The following ARSG variants were observed in gnomAD, a reference collection of about 807,000 sequenced individuals.
ARSG encodes the protein arylsulfatase G, also known as ASG.
In ARSG, 37 loss-of-function variants were observed where a neutral mutation model predicts 50.5. The observed-to-expected ratio is 0.73, with a 90% CI of 0.56 to 0.96. The LOEUF is 0.96. Among genes scored for constraint, ARSG ranks in the 50% least tolerant of loss-of-function variants. The pLI is 0.00. For synonymous variants in ARSG, 225 were observed against 254.6 expected (o/e 0.88, Z 1.11); for missense variants, 629 against 675.3 (o/e 0.93, Z 0.76).
chr17:68,367,287 G>A lies in ARSG; in HGVS notation c.705-1261G>A, dbSNP rs535744422. On this transcript the variant is annotated intron_variant, in intron 6 of 11. Transcript: ENST00000621439. The surrounding 1 kb of genome is among the most constrained non-coding windows in gnomAD (Gnocchi z 4.5). ...CACAGTCCCAGGCGGCAGACCCTGG[G>A]AGCCAGGGTGCAGGGGGGATTTGAG... is the stretch of plus-strand genomic sequence containing the variant. Among the ~76,000 whole-genome samples, 18 of 152,314 alleles carry A rather than the reference G, an allele frequency of 1.2e-4. No homozygotes were observed. The highest frequency in any genetic ancestry group is 9.2e-4 in the Admixed American group (14 of 15,294).
At chr17:68,376,700 A>T (rs76160123) in intron 8 of ARSG, among the ~76,000 whole-genome samples, 37 of 151,670 alleles carry the variant, frequency 2.4e-4, no homozygotes, top group Admixed American at 1.4e-3. Flanking sequence ...ATTTTTTTTT[A>T]AAAGATCCCT....
In ARSG at chr17:68,367,120, T is replaced by C. The variant is rs1481810840; in HGVS notation, c.705-1428T>C. Among the ~76,000 whole-genome samples the C allele has an allele frequency of 6.6e-6, 1 of 152,252 alleles. No homozygotes were observed. The highest frequency in any genetic ancestry group is 2.4e-5 in the African/African-American group (1 of 41,464). ...ATTAATTTAAATCTAAATAGGTACA[T>C]GTGACTTGTGGCTGCTGCCCTGAAC... On this transcript the variant is annotated intron_variant, in intron 6 of 11. Coordinates refer to ENST00000621439, the MANE Select transcript of ARSG (RefSeq NM_001267727.2). This position sits in a 1 kb window ranked among gnomAD's most constrained non-coding sequence, Gnocchi z 4.5.
chr17:68,356,787 G>A lies in ARSG; in HGVS notation c.687G>A (p.Gln229=). Residue 229 remains glutamine (Q), a synonymous_variant, in exon 6 of 12, where the codon CAG becomes CAA. Coordinates refer to ENST00000621439, the MANE Select transcript of ARSG (RefSeq NM_001267727.2). The part of the protein sequence containing the change: ...LAQKYAEKAT[Q]FIQRASTSGR... ...AGAAGTATGCTGAGAAAGCAACCCA[G>A]TTCATCCAGCGTGCAAGGTGAGGAG... The A allele has an allele frequency of 6.2e-7, 1 of 1,614,170 alleles. No individual in the cohort carries two copies. Among genetic ancestry groups the A allele is most frequent in the Non-Finnish European group, 8.5e-7 (1 of 1,180,024 alleles).
intron 1 of ARSG, 40 bp from the exon 2 acceptor site, chr17:68,306,903 A>G (rs1248490936): frequency 6.6e-6 from 1 of 152,308 alleles, no homozygotes; most frequent in Non-Finnish European, 1.5e-5. Flanking sequence ...CTGCACTGGC[A>G]GTTTTAACTC....
chr17:68,363,862 T>C (rs908258892), intron 6 of ARSG, among the ~76,000 whole-genome samples: 3 of 152,024 alleles, frequency 2.0e-5, no homozygotes, highest in Non-Finnish European at 2.9e-5. Context: ...GATGGCAAAA[T>C]GGTGGGGCGG....
chr17:68,348,822 C>G (rs1460463669), intron 4 of ARSG, among the ~76,000 whole-genome samples: 1 of 152,170 alleles, frequency 6.6e-6, no homozygotes, highest in Non-Finnish European at 1.5e-5. Context: ...CACACTTACA[C>G]ATTCCTTCTA....
At chr17:68,330,982 G>A (rs1013289864) in intron 2 of ARSG, among the ~76,000 whole-genome samples, 3 of 132,244 alleles carry the variant, frequency 2.3e-5, no homozygotes, top group Non-Finnish European at 1.6e-5. Context: ...TTTTTGCGGG[G>A]GGGGGGGGAG....
In ARSG at chr17:68,318,861, C is replaced by T. The variant is rs1335114356; in HGVS notation, c.218+11150C>T. 5.3e-5 allele frequency among the ~76,000 whole-genome samples: 8 copies of T among 152,146 alleles called. No individual in the cohort carries two copies. The East Asian group carries it at 5.8e-4, about 11-fold the overall frequency. On this transcript the variant is annotated intron_variant, in intron 2 of 11. Coordinates refer to ENST00000621439, the MANE Select transcript of ARSG (RefSeq NM_001267727.2). ...CAGGGACTTGAGGCTGTTTCTAAAA[C>T]GGGCCTCAGTGAGCAATGAATTGAG...
rs138575233 is a variant in ARSG at position 68,271,177 on chromosome 17, C to T, written c.-552+11751C>T. 3.2e-4 allele frequency: 518 copies of T among 1,614,014 alleles called. 2 individuals are homozygous for T. In the African/African-American group the frequency reaches 5.7e-3, roughly 18 times the overall value. On this transcript the variant is annotated intron_variant, in intron 1 of 11. Transcript: ENST00000448504. The surrounding 1 kb of genome is among the most constrained non-coding windows in gnomAD (Gnocchi z 5.3). ...CATCGTAGATAATAAAAAAGCAGCG[C>T]GGTCCTGGTCAATGCCCAGACTAAT...
At chr17:68,449,821 T>C in the ARSG span, among the ~76,000 whole-genome samples, 1 of 152,178 alleles carries the variant, frequency 6.6e-6, no homozygotes, top group Non-Finnish European at 1.5e-5. Context: ...AATGTGAGAA[T>C]AGACGAATAC....
chr17:68,355,419 C>T (rs529361141), intron 5 of ARSG, among the ~76,000 whole-genome samples: 2 of 152,314 alleles, frequency 1.3e-5, no homozygotes, highest in East Asian at 1.9e-4. Context: ...AGTACAATGG[C>T]GCAATCTCAG....
chr17:68,364,506 C>T (rs1053437738), intron 6 of ARSG, among the ~76,000 whole-genome samples: 4 of 152,062 alleles, frequency 2.6e-5, no homozygotes, highest in African/African-American at 7.2e-5. Context: ...ATTACAGGCA[C>T]GCGTCACCAT....
chr17:68,338,441 A>G (rs1370396552), intron 2 of ARSG, among the ~76,000 whole-genome samples: 1 of 151,940 alleles, frequency 6.6e-6, no homozygotes, highest in Non-Finnish European at 1.5e-5. Flanking sequence ...CTTCCCTTCA[A>G]CTTTCAAGAC....
At chr17:68,272,867 T>C in intron 1 of ARSG, 2 of 1,458,878 alleles carry the variant, frequency 1.4e-6, no homozygotes, top group Non-Finnish European at 1.9e-6. Flanking sequence ...GCTTTTTGAA[T>C]CTTAAGTTCT....
intron 1 of ARSG, among the ~76,000 whole-genome samples, chr17:68,263,870 T>A (rs1366618620): frequency 6.6e-6 from 1 of 152,196 alleles, no homozygotes; most frequent in African/African-American, 2.4e-5. Context: ...TTAATTTTTA[T>A]TTTTTGAGAT....
chr17:68,433,760 G>GTTGTT, the ARSG span, among the ~76,000 whole-genome samples: 3 of 72,822 alleles, frequency 4.1e-5, no homozygotes, highest in South Asian at 1.1e-3. Context: ...AAGGGTCATA[G>GTTGTT]TTTTTTTTTT....
rs201030584 is a variant in ARSG at position 68,343,768 on chromosome 17, C to T, written c.383C>T (p.Ala128Val). 8.7e-6 allele frequency: 14 copies of T among 1,613,148 alleles called. No individual in the cohort carries two copies. The highest frequency in any genetic ancestry group is 1.2e-5 in the Non-Finnish European group (14 of 1,179,536). Reference protein sequence around the residue: ...ETTLAEVLQQAGYVTGIIGKW... With the variant: ...ETTLAEVLQQVGYVTGIIGKW... ...ACCTTGGCAGAGGTGCTGCAGCAGG[C>T]GGGTTACGTCACTGGGATAATAGGT... Residue 128 changes from alanine to valine, a missense_variant, in exon 3 of 12, where the codon GCG (alanine) becomes GTG (valine). By Grantham distance (64) the Ala-to-Val change is moderately conservative. Transcript: ENST00000621439.
At chr17:68,396,960 T>C (rs2081274921) in intron 10 of ARSG, among the ~76,000 whole-genome samples, 2 of 152,174 alleles carry the variant, frequency 1.3e-5, no homozygotes, top group Admixed American at 1.3e-4. Context: ...ACAGACGTCA[T>C]TGGAGAGGTG....
rs187418684 is a variant in ARSG at position 68,362,032 on chromosome 17, A to T, written c.704+5228A>T. Among the ~76,000 whole-genome samples the T allele has an allele frequency of 4.0e-3, 612 of 152,314 alleles. 1 individual carries two copies. Among genetic ancestry groups the T allele is most frequent in the South Asian group, 6.6e-3 (32 of 4,826 alleles). ...CCACCCCAGGGAGTGGTATTTTGTT[A>T]TAGCGTCCCTAGCAGGCTAAGACAC... is the stretch of plus-strand genomic sequence containing the variant. On this transcript the variant is annotated intron_variant, in intron 6 of 11. Coordinates refer to ENST00000621439, the MANE Select transcript of ARSG (RefSeq NM_001267727.2).
Sources: allele counts gnomAD v4.1 joint callset (sites outside exome capture counted in the v4.1 genomes callset), GRCh38; gene constraint gnomAD v4.1.1; non-coding constraint Gnocchi (gnomAD v3.1); transcripts MANE v1.5; gene names NCBI Gene and HGNC (gene_info 2026-07-23, HGNC 2026-07-21).